The following RNF217 variants were observed in gnomAD, a reference collection of about 807,000 sequenced individuals.
RNF217 encodes ring finger protein 217, also known as E3 ubiquitin-protein ligase RNF217.
In RNF217, 31 loss-of-function variants were observed where a neutral mutation model predicts 57.8. That is an observed-to-expected ratio of 0.54 (90% CI 0.40 to 0.72). RNF217 has a LOEUF of 0.72. Among genes scored for constraint, RNF217 ranks in the 30% least tolerant of loss-of-function variants. The pLI is 0.00. For missense variants in RNF217, 696 were observed against 708.3 expected, an observed-to-expected ratio of 0.98 and a Z score of 0.20; for synonymous variants, 313 against 294.0, an observed-to-expected ratio of 1.06 and a Z score of -0.66.
chr6:125,045,851 C>A (rs974512543), intron 2 of RNF217, among the ~76,000 whole-genome samples: 1 of 151,718 alleles, frequency 6.6e-6, no homozygotes, highest in Non-Finnish European at 1.5e-5. Context: ...AAATGGTACT[C>A]ATTCATTTAT....
At chr6:124,984,306 G>A (rs934255558) in intron 1 of RNF217, among the ~76,000 whole-genome samples, 2 of 152,078 alleles carry the variant, frequency 1.3e-5, no homozygotes, top group Admixed American at 1.3e-4. Context: ...CAGCACTTTG[G>A]GAAGGCAAGG....
At position 125,017,072 on chromosome 6, in the gene RNF217, C is replaced by T. The variant is rs542243344; in HGVS notation, c.883-28139C>T. Reference sequence around the variant, plus strand: ...CACCTTTTCTCTTTGCTTCTTTTCCCTTTTGCTGCAGTAAATCGTAGCTGT... The same window carrying T: ...CACCTTTTCTCTTTGCTTCTTTTCCTTTTTGCTGCAGTAAATCGTAGCTGT... On this transcript the variant is annotated intron_variant, in intron 1 of 5. Transcript: ENST00000521654. Among the ~76,000 whole-genome samples the T allele has an allele frequency of 4.6e-5, 7 of 152,188 alleles. No individual in the cohort carries two copies. The East Asian group carries it at 1.2e-3, about 25-fold the overall frequency.
chr6:125,027,005 A>G (rs1265384850), intron 1 of RNF217, among the ~76,000 whole-genome samples: 1 of 151,754 alleles, frequency 6.6e-6, no homozygotes, highest in Non-Finnish European at 1.5e-5. Flanking sequence ...AAATTTTTTA[A>G]ACTATTTTTT....
intron 1 of RNF217, among the ~76,000 whole-genome samples, chr6:125,016,730 A>G (rs1020736724): frequency 1.3e-5 from 2 of 151,864 alleles, no homozygotes; most frequent in Non-Finnish European, 2.9e-5. Context: ...TGGGAGCTGA[A>G]CAATGACAAC....
At chr6:124,969,678 G>T (rs1337702259) in intron 1 of RNF217, among the ~76,000 whole-genome samples, 1 of 151,978 alleles carries the variant, frequency 6.6e-6, no homozygotes, top group East Asian at 1.9e-4. Context: ...ACTGTTTTAG[G>T]CTCTGGGGAT....
intron 1 of RNF217, among the ~76,000 whole-genome samples, chr6:125,035,925 A>T (rs915620072): frequency 1.2e-4 from 18 of 151,296 alleles, no homozygotes; most frequent in African/African-American, 3.9e-4. Context: ...TTATTTTATT[A>T]TATTTTAAGT....
intron 1 of RNF217, among the ~76,000 whole-genome samples, chr6:124,966,819 A>G (rs1011902617): frequency 2.6e-5 from 4 of 152,246 alleles, no homozygotes; most frequent in African/African-American, 4.8e-5. Context: ...ACAAAGGCCA[A>G]TTGGTAGGTG....
intron 1 of RNF217, among the ~76,000 whole-genome samples, chr6:125,020,176 C>T (rs1186639269): frequency 6.6e-6 from 1 of 152,196 alleles, no homozygotes; most frequent in Non-Finnish European, 1.5e-5. Flanking sequence ...CTGGCTTGGG[C>T]TCAGATGTCT....
chr6:125,082,410 G>T, intron 5 of RNF217: 1 of 1,539,476 alleles, frequency 6.5e-7, no homozygotes, highest in Non-Finnish European at 8.8e-7. Flanking sequence ...ATGTGAGTTA[G>T]GACATTATGT....
chr6:125,037,050 G>A (rs1582737749), intron 1 of RNF217, among the ~76,000 whole-genome samples: 1 of 148,272 alleles, frequency 6.7e-6, no homozygotes, highest in Non-Finnish European at 1.5e-5. Context: ...TTTTTTAATG[G>A]ATATTAAACC....
At chr6:125,053,055 G>A (rs1404867663) in intron 2 of RNF217, among the ~76,000 whole-genome samples, 1 of 152,048 alleles carries the variant, frequency 6.6e-6, no homozygotes, top group Non-Finnish European at 1.5e-5. Context: ...GGGCCTCTGT[G>A]TGGTGGCTCA....
intron 1 of RNF217, among the ~76,000 whole-genome samples, chr6:124,991,422 G>A (rs1167642693): frequency 6.6e-6 from 1 of 152,086 alleles, no homozygotes; most frequent in Admixed American, 6.6e-5. Flanking sequence ...ATGTATACAT[G>A]CTACCAACCC....
At position 125,013,351 on chromosome 6, in the gene RNF217, ATGTGTG is replaced by A. The variant is rs61504994; in HGVS notation, c.883-31827_883-31822del. On this transcript the variant is annotated intron_variant, in intron 1 of 5. Transcript: ENST00000521654. ...AGGTAGGTGCTTGCATGTTTTGTGTATGTGTGTGTGTGTGTGTGTGTGTGTGTGTGT... is the reference window on the plus strand; with the variant it reads ...AGGTAGGTGCTTGCATGTTTTGTGTATGTGTGTGTGTGTGTGTGTGTGTGT... 6.0e-3 allele frequency among the ~76,000 whole-genome samples: 852 copies of A among 141,062 alleles called. 6 individuals carry two copies. The highest frequency in any genetic ancestry group is 0.013 in the African/African-American group (469 of 35,794). The allele number at this position is 141,062 out of a possible 152,430, so 92.5% of individuals were successfully genotyped here.
rs1196507470 is a variant in RNF217, at chr6:125,045,299, A to C, written c.971A>C (p.His324Pro). The part of the protein sequence containing the change: ...EETTVVYNLT[H>P]EDSIKYKYFL... ...ACAACTGTTGTCTATAACTTAACGC[A>C]TGAAGACTCCATCAAGTATAAGTAC... is the stretch of plus-strand genomic sequence containing the variant. Residue 324 changes from histidine (H) to proline (P), a missense_variant, in exon 2 of 6, where the codon CAT (histidine) becomes CCT (proline). Transcript: ENST00000521654. 1.2e-6 allele frequency: 2 copies of C among 1,613,446 alleles called. No homozygotes were observed. The highest frequency in any genetic ancestry group is 1.7e-6 in the Non-Finnish European group (2 of 1,179,592).
At chr6:125,015,043 T>C (rs1785551552) in intron 1 of RNF217, among the ~76,000 whole-genome samples, 1 of 152,196 alleles carries the variant, frequency 6.6e-6, no homozygotes, top group Non-Finnish European at 1.5e-5. Flanking sequence ...GCCATTTAGC[T>C]ACTTACTTCA....
At chr6:124,995,876 C>A (rs1219427071) in intron 1 of RNF217, among the ~76,000 whole-genome samples, 1 of 151,922 alleles carries the variant, frequency 6.6e-6, no homozygotes, top group South Asian at 2.1e-4. Flanking sequence ...GAGCCGAGAT[C>A]GTGTCATTGC....
chr6:125,039,909 A>G (rs1320722520), intron 1 of RNF217, among the ~76,000 whole-genome samples: 16 of 152,208 alleles, frequency 1.1e-4, no homozygotes, highest in Non-Finnish European at 7.3e-5. Context: ...GTAAGGACAA[A>G]GAGACAACAT....
chr6:124,993,110 G>A (rs1784623621), intron 1 of RNF217, among the ~76,000 whole-genome samples: 1 of 152,098 alleles, frequency 6.6e-6, no homozygotes, highest in Admixed American at 6.6e-5. Flanking sequence ...AAATATACTT[G>A]ATATATGAAC....
intron 1 of RNF217, among the ~76,000 whole-genome samples, chr6:124,978,055 T>C (rs1784031543): frequency 6.6e-6 from 1 of 152,174 alleles, no homozygotes; most frequent in South Asian, 2.1e-4. Flanking sequence ...ACAAAATATT[T>C]GCTTAGCACC....
Sources: gnomAD v4.1 joint callset for allele counts (sites outside exome capture counted in the v4.1 genomes callset) on GRCh38, gnomAD v4.1.1 for gene constraint, MANE v1.5 for transcripts, NCBI Gene and HGNC (gene_info 2026-07-23, HGNC 2026-07-21) for gene names.